CA5A: variants seen among roughly 807,000 people sequenced by gnomAD.
The protein encoded by CA5A is carbonic anhydrase 5A, mitochondrial.
A neutral mutation model predicts 37.1 loss-of-function variants in CA5A; 28 were observed. The ratio of observed to expected loss-of-function variants is 0.75; its 90% CI spans 0.56 to 1.03. The LOEUF is 1.03. Ranked by LOEUF, CA5A falls within the 50% of genes least tolerant of loss-of-function variation. The pLI, the probability that CA5A is intolerant of heterozygous loss-of-function variation, is 0.00. For missense variants in CA5A, 444 were observed against 399.9 expected, an observed-to-expected ratio of 1.11 and a Z score of -0.94; for synonymous variants, 171 against 158.4, an observed-to-expected ratio of 1.08 and a Z score of -0.60.
At chr16:87,921,644 G>A (rs1165725164) in intron 2 of CA5A, among the ~76,000 whole-genome samples, 2 of 152,190 alleles carry the variant, frequency 1.3e-5, no homozygotes, top group African/African-American at 4.8e-5. Flanking sequence ...GGGAGTCGGG[G>A]ATGGGCTCGC....
intron 1 of CA5A, among the ~76,000 whole-genome samples, chr16:87,929,835 G>A (rs536788809): frequency 1.7e-5 from 2 of 116,826 alleles, no homozygotes; most frequent in Admixed American, 1.3e-4. Context: ...TCGCGCCACC[G>A]CACTCCAGCC....
chr16:87,910,061 G>A (rs1398477965), intron 2 of CA5A, among the ~76,000 whole-genome samples: 1 of 151,544 alleles, frequency 6.6e-6, no homozygotes. Flanking sequence ...TTAGCACAAC[G>A]CTTGACGTAA....
intron 2 of CA5A, among the ~76,000 whole-genome samples, chr16:87,915,000 G>C (rs1214465050): frequency 6.6e-6 from 1 of 152,238 alleles, no homozygotes. Flanking sequence ...GGGTGTGAGC[G>C]ATGGGGCCAG....
intron 2 of CA5A, among the ~76,000 whole-genome samples, chr16:87,917,295 C>T (rs1401788017): frequency 2.6e-5 from 4 of 152,074 alleles, no homozygotes; most frequent in Non-Finnish European, 5.9e-5. Flanking sequence ...TCCTCAGTCC[C>T]GCTCCTAATT....
At chr16:87,886,475 A>C (rs1034451181), downstream of CA5A, 3 of 152,012 alleles carry the variant, frequency 2.0e-5, no homozygotes, top group Non-Finnish European at 4.4e-5. Context: ...TAGATCTATA[A>C]TCTGTCAGGA....
chr16:87,897,826 C>A (rs1215520393), intron 5 of CA5A, among the ~76,000 whole-genome samples: 1 of 152,154 alleles, frequency 6.6e-6, no homozygotes, highest in African/African-American at 2.4e-5. Context: ...ACAGGCCCTG[C>A]CCCGTGGAGT....
At position 87,936,431 on chromosome 16, in the gene CA5A, CA is replaced by C; in HGVS notation, c.19del (p.Trp7GlyfsTer22). On this transcript the variant is annotated frameshift_variant, in exon 1 of 7. Transcript: ENST00000649794. LOFTEE classifies it high-confidence loss of function. MLGRNTWKTSAFSFLVE... is the reference protein window; with the variant it reads MLGRNTXKTSAFSFLVE... ...CAAGAAGGAGAAAGCTGAGGTCTTC[CA>C]AGTGTTCCTCCCCAACATCTTGGGT... is the stretch of plus-strand genomic sequence containing the variant. 6.2e-7 allele frequency: 1 copy of C among 1,614,034 alleles called. No homozygotes were observed.
intron 2 of CA5A, among the ~76,000 whole-genome samples, chr16:87,912,301 C>T (rs1165520300): frequency 6.6e-6 from 1 of 152,020 alleles, no homozygotes; most frequent in African/African-American, 2.4e-5. Flanking sequence ...GACTCCATCT[C>T]AATAAATAAA....
chr16:87,896,731 C>T (rs1229672318), intron 5 of CA5A, among the ~76,000 whole-genome samples: 6 of 152,226 alleles, frequency 3.9e-5, no homozygotes, highest in Non-Finnish European at 8.8e-5. Flanking sequence ...ACCTCCACCG[C>T]CCAGGTTCAA....
intron 1 of CA5A, among the ~76,000 whole-genome samples, chr16:87,928,068 G>C (rs1415641059): frequency 6.6e-6 from 1 of 152,066 alleles, no homozygotes; most frequent in Admixed American, 6.5e-5. Context: ...CAAATACAGA[G>C]TCCCCTTGCT....
At chr16:87,931,669 C>T (rs764765863) in intron 1 of CA5A, among the ~76,000 whole-genome samples, 8 of 152,198 alleles carry the variant, frequency 5.3e-5, no homozygotes, top group Non-Finnish European at 1.0e-4. Flanking sequence ...GGGGAGGATG[C>T]ATTTCCCTGC....
intron 2 of CA5A, among the ~76,000 whole-genome samples, chr16:87,912,121 G>A (rs2056060355): frequency 6.6e-6 from 1 of 152,138 alleles, no homozygotes. Flanking sequence ...GGGCAACATG[G>A]TGAAACCCCG....
At chr16:87,904,207 T>C (rs1384662054) in intron 3 of CA5A, among the ~76,000 whole-genome samples, 4 of 151,896 alleles carry the variant, frequency 2.6e-5, no homozygotes, top group African/African-American at 9.7e-5. Flanking sequence ...CAGGGCCTGG[T>C]GGCACGCACC....
At position 87,902,028 on chromosome 16, in the gene CA5A, A is replaced by C. The variant is rs1248322826; in HGVS notation, c.556-54T>G. 29 of 1,466,736 alleles carry C rather than the reference A, an allele frequency of 2.0e-5. No individual in the cohort carries two copies. In the South Asian group the frequency reaches 2.4e-4, roughly 12 times the overall value. 90.9% of individuals were successfully genotyped at this position (1,466,736 alleles called of 1,614,324 possible). A position where few individuals can be genotyped will look rare whatever the true frequency, so the allele number is the denominator to read the frequency against. Reference sequence around the variant, plus strand: ...TGCAAAGGCAGTGGATGGGGGGGGAAGCTCACTCCACTGTAAATACACCAC... The same window carrying C: ...TGCAAAGGCAGTGGATGGGGGGGGACGCTCACTCCACTGTAAATACACCAC... On this transcript the variant is annotated intron_variant, in intron 4 of 6. Transcript: ENST00000649794.
At chr16:87,935,164 C>G (rs546687311) in intron 1 of CA5A, among the ~76,000 whole-genome samples, 1 of 152,224 alleles carries the variant, frequency 6.6e-6, no homozygotes, top group Non-Finnish European at 1.5e-5. Flanking sequence ...AGCCCATGCT[C>G]TTTCAATGGC....
intron 5 of CA5A, among the ~76,000 whole-genome samples, chr16:87,898,729 ATTTTTTT>A (rs59375883): frequency 6.3e-4 from 72 of 115,080 alleles, no homozygotes; most frequent in African/African-American, 2.0e-3. Flanking sequence ...TCTAGTGTGG[ATTTTTTT>A]TTTTTTTTTT....
At chr16:87,902,750 CAA>C (rs35068596) in intron 3 of CA5A, among the ~76,000 whole-genome samples, 19 of 144,854 alleles carry the variant, frequency 1.3e-4, no homozygotes, top group African/African-American at 3.8e-4. Context: ...ACTAAAAATA[CAA>C]AAAAAAAAAA....
chr16:87,896,429 G>A (rs2055803886), intron 5 of CA5A, among the ~76,000 whole-genome samples: 1 of 152,200 alleles, frequency 6.6e-6, no homozygotes, highest in Admixed American at 6.6e-5. Flanking sequence ...ACAGAAAACT[G>A]CTCCCCCTCA....
At chr16:87,924,262 G>A (rs76525875) in intron 2 of CA5A, 44 of 985,464 alleles carry the variant, frequency 4.5e-5, no homozygotes, top group Admixed American at 6.1e-5. Flanking sequence ...GGAAGCATCC[G>A]CGGGGGTTGC....
Sources: gnomAD v4.1 joint callset for allele counts (sites outside exome capture counted in the v4.1 genomes callset) on GRCh38, gnomAD v4.1.1 for gene constraint, MANE v1.5 for transcripts, NCBI Gene and HGNC (gene_info 2026-07-23, HGNC 2026-07-21) for gene names.